C4orf36: variants seen among roughly 807,000 people sequenced by gnomAD.
The protein encoded by C4orf36 is chromosome 4 open reading frame 36.
Under a neutral mutation model 12.2 loss-of-function variants are expected in C4orf36, and 11 were observed. The observed-to-expected ratio is 0.90, with a 90% CI of 0.57 to 1.49. The LOEUF (loss-of-function observed/expected upper bound fraction) is 1.49. Ranked by LOEUF, C4orf36 falls within the 40% of genes most tolerant of loss-of-function variation. C4orf36 has a pLI of 0.00. For missense variants in C4orf36, 137 were observed against 133.9 expected (o/e 1.02, Z -0.11); for synonymous variants, 54 against 51.3 (o/e 1.05, Z -0.22).
At chr4:86,930,588 A>G in the C4orf36 span, among the ~76,000 whole-genome samples, 1 of 152,224 alleles carries the variant, frequency 6.6e-6, no homozygotes. Context: ...GTTTTGGGGG[A>G]TGAAAAAATA....
chr4:86,901,971 G>C, the C4orf36 span, among the ~76,000 whole-genome samples: 5 of 152,218 alleles, frequency 3.3e-5, no homozygotes, highest in South Asian at 1.0e-3. Flanking sequence ...CATCTAATCA[G>C]GTTTAGAATA....
At chr4:86,897,741 T>G in the C4orf36 span, among the ~76,000 whole-genome samples, 6 of 141,610 alleles carry the variant, frequency 4.2e-5, no homozygotes, top group Non-Finnish European at 6.4e-5. Context: ...CAGAATCCAT[T>G]CTCCTGTTCC....
chr4:86,892,316 G>C lies in C4orf36; in HGVS notation c.-207C>G. 2.0e-6 allele frequency: 2 copies of C among 985,574 alleles called. No individual in the cohort carries two copies. Among genetic ancestry groups the C allele is most frequent in the Non-Finnish European group, 2.4e-6 (2 of 830,034 alleles). The allele number at this position is 985,574 out of a possible 1,614,324, so 61.1% of individuals were successfully genotyped here. On this transcript the variant is annotated 5_prime_UTR_variant, in exon 1 of 5. Coordinates refer to ENST00000295898, the MANE Select transcript of C4orf36 (RefSeq NM_144645.4). ...AGGGGCTCGGAGGGTCGCGGCCGGG[G>C]TACTGAGGTAAGAGCGCGCTGCGCT...
intron 4 of C4orf36, among the ~76,000 whole-genome samples, chr4:86,878,333 T>C (rs775050857): frequency 6.6e-6 from 1 of 152,216 alleles, no homozygotes; most frequent in Non-Finnish European, 1.5e-5. Context: ...ATGCATAGGT[T>C]TGTAACCTCA....
At chr4:86,889,598 T>A (rs930649543) in intron 2 of C4orf36, among the ~76,000 whole-genome samples, 32 of 152,092 alleles carry the variant, frequency 2.1e-4, no homozygotes, top group African/African-American at 7.5e-4. Flanking sequence ...ATCCTCAGTT[T>A]ACAGATTAGA....
the C4orf36 span, chr4:86,933,675 C>T: frequency 6.6e-6 from 1 of 152,096 alleles, no homozygotes; most frequent in Non-Finnish European, 1.5e-5. Context: ...ATAGCAAAAA[C>T]GTTAAAATAC....
the C4orf36 span, among the ~76,000 whole-genome samples, chr4:86,906,627 C>T: frequency 6.9e-6 from 1 of 144,186 alleles, no homozygotes; most frequent in Admixed American, 7.3e-5. Context: ...TCTTGGGAGG[C>T]TGAGGCATGA....
chr4:86,902,075 C>A, the C4orf36 span, among the ~76,000 whole-genome samples: 1 of 152,000 alleles, frequency 6.6e-6, no homozygotes, highest in Non-Finnish European at 1.5e-5. Flanking sequence ...AGCAATGTGT[C>A]CACAAGCCAA....
the C4orf36 span, among the ~76,000 whole-genome samples, chr4:86,917,405 AAGAG>A: frequency 2.7e-5 from 4 of 146,204 alleles, no homozygotes; most frequent in South Asian, 4.3e-4. Flanking sequence ...AGGAGAGAGA[AAGAG>A]AGGAAGAGAG....
chr4:86,890,459 T>C (rs1015592621), intron 2 of C4orf36, among the ~76,000 whole-genome samples: 3 of 147,626 alleles, frequency 2.0e-5, no homozygotes, highest in Non-Finnish European at 4.5e-5. Flanking sequence ...TGTGTAGCAA[T>C]GCACATACAC....
the C4orf36 span, among the ~76,000 whole-genome samples, chr4:86,919,585 A>G: frequency 2.0e-5 from 3 of 151,958 alleles, no homozygotes; most frequent in Non-Finnish European, 4.4e-5. Flanking sequence ...TCAGCCTCCC[A>G]AAGTGCTCGG....
intron 4 of C4orf36, among the ~76,000 whole-genome samples, chr4:86,877,361 G>A (rs1367067320): frequency 6.6e-6 from 1 of 152,206 alleles, no homozygotes; most frequent in Non-Finnish European, 1.5e-5. Context: ...AATAGGAGAG[G>A]ACAGGTATGT....
the C4orf36 span, among the ~76,000 whole-genome samples, chr4:86,917,545 G>A: frequency 1.1e-4 from 13 of 123,546 alleles, no homozygotes; most frequent in African/African-American, 3.1e-4. Context: ...AGAAAGAAAA[G>A]TAAGGAAGGA....
Position 86,884,578 on chromosome 4 carries a change from T to G in C4orf36, c.*2+3180A>C, listed in dbSNP as rs1000149523. Among the ~76,000 whole-genome samples, 9 of 152,274 alleles carry G rather than the reference T, an allele frequency of 5.9e-5. No homozygotes were observed. The South Asian group carries it at 1.7e-3, about 28-fold the overall frequency. On this transcript the variant is annotated intron_variant, in intron 4 of 4. Coordinates refer to ENST00000295898, the MANE Select transcript of C4orf36 (RefSeq NM_144645.4). ...CCTCAGCCTCCGAAAGCACTGAGAT[T>G]TATAGGCATAAGCCATCACCCCCAG...
At chr4:86,886,162 T>C (rs887728383) in intron 4 of C4orf36, among the ~76,000 whole-genome samples, 1 of 152,198 alleles carries the variant, frequency 6.6e-6, no homozygotes, top group Non-Finnish European at 1.5e-5. Context: ...AAAATTCTCT[T>C]TTTTGGTTGT....
Position 86,876,320 on chromosome 4 carries a change from G to A in C4orf36, c.*126C>T, listed in dbSNP as rs961399413. The A allele has an allele frequency of 2.0e-6, 3 of 1,473,006 alleles. No homozygotes were observed. Among genetic ancestry groups the A allele is most frequent in the Non-Finnish European group, 2.7e-6 (3 of 1,105,972 alleles). 91.2% of individuals were successfully genotyped at this position (1,473,006 alleles called of 1,614,324 possible). ...GGGCCGTGGGAGGCTTCCTGAGGTG[G>A]GGGCCGGGCCAGGATGGCTGCAGCG... On this transcript the variant is annotated 3_prime_UTR_variant, in exon 5 of 5. Coordinates refer to ENST00000295898, the MANE Select transcript of C4orf36 (RefSeq NM_144645.4).
chr4:86,919,283 T>A, the C4orf36 span, among the ~76,000 whole-genome samples: 1 of 151,386 alleles, frequency 6.6e-6, no homozygotes, highest in East Asian at 1.9e-4. Flanking sequence ...AGGCTGAAAA[T>A]TTTCAAATCT....
At chr4:86,934,973 C>A in the C4orf36 span, 1 of 151,960 alleles carries the variant, frequency 6.6e-6, no homozygotes, top group South Asian at 2.1e-4. Context: ...AGGGCGTGGC[C>A]TCGGGGCGTC....
At chr4:86,901,495 C>T in the C4orf36 span, among the ~76,000 whole-genome samples, 2 of 151,832 alleles carry the variant, frequency 1.3e-5, no homozygotes, top group Non-Finnish European at 2.9e-5. Flanking sequence ...GCAAGCTCCA[C>T]CTCTCAGGTT....
Sources: allele counts gnomAD v4.1 joint callset (sites outside exome capture counted in the v4.1 genomes callset), GRCh38; gene constraint gnomAD v4.1.1; transcripts MANE v1.5; gene names NCBI Gene and HGNC (gene_info 2026-07-23, HGNC 2026-07-21).